Variants in LIPE observed in about 807,000 individuals in gnomAD.
The protein encoded by LIPE is lipase E, hormone sensitive type.
A neutral mutation model predicts 88.5 loss-of-function variants in LIPE; 66 were observed. The ratio of observed to expected loss-of-function variants is 0.75; its 90% CI spans 0.61 to 0.91. The LOEUF is 0.91. Among genes scored for constraint, LIPE ranks in the 40% least tolerant of loss-of-function variants. LIPE has a pLI of 0.00. For missense variants in LIPE, 1,346 were observed against 1,434.7 expected (o/e 0.94, Z 1.00); for synonymous variants, 570 against 617.5 (o/e 0.92, Z 1.14).
chr19:42,412,832 T>TGGCACAGCCA (rs1223864542), intron 1 of LIPE, among the ~76,000 whole-genome samples: 2 of 152,172 alleles, frequency 1.3e-5, no homozygotes, highest in African/African-American at 4.8e-5. Context: ...AGTCTGGCCC[T>TGGCACAGCCA]GGCACAGCCA....
At chr19:42,424,065 A>G in intron 1 of LIPE, 1 of 1,185,290 alleles carries the variant, frequency 8.4e-7, no homozygotes, top group Non-Finnish European at 1.1e-6. Context: ...CCAGCGCTGG[A>G]GGCGTGGCTG....
At position 42,407,480 on chromosome 19, in the gene LIPE, G is replaced by T; in HGVS notation, c.1843-12C>A. 1.2e-6 allele frequency: 2 copies of T among 1,604,164 alleles called. No individual in the cohort carries two copies. Among genetic ancestry groups the T allele is most frequent in the Non-Finnish European group, 1.7e-6 (2 of 1,173,072 alleles). On this transcript the variant is annotated splice_polypyrimidine_tract_variant and intron_variant, in intron 5 of 9. Transcript: ENST00000244289. The surrounding 1 kb of genome is among the most constrained non-coding windows in gnomAD (Gnocchi z 5.8). ...AGCTCCTCACTGTCCTGGGGGTGAG[G>T]AGGGAGACGGTGTGTGAGGTTGGGG... is the stretch of plus-strand genomic sequence containing the variant.
intron 1 of LIPE, among the ~76,000 whole-genome samples, chr19:42,419,140 T>C (rs1019454415): frequency 2.0e-5 from 3 of 152,058 alleles, no homozygotes; most frequent in Admixed American, 6.6e-5. Context: ...TAGCCGGGCA[T>C]GGTGGCGCGT....
intron 1 of LIPE, among the ~76,000 whole-genome samples, chr19:42,421,961 T>C (rs976000585): frequency 6.6e-6 from 1 of 152,240 alleles, no homozygotes; most frequent in Non-Finnish European, 1.5e-5. Context: ...CCTGCCCAAC[T>C]GGATTCTGAC....
intron 1 of LIPE, among the ~76,000 whole-genome samples, chr19:42,415,701 T>C (rs1323881716): frequency 2.0e-5 from 3 of 151,590 alleles, no homozygotes; most frequent in African/African-American, 7.3e-5. Context: ...TCCCAGCTAC[T>C]AGGGAGGCTG....
In LIPE at chr19:42,401,997, G is replaced by C; in HGVS notation, c.3046C>G (p.Leu1016Val). 6.4e-7 allele frequency: 1 copy of C among 1,553,856 alleles called. No individual in the cohort carries two copies. Residue 1016 changes from leucine to valine, a missense_variant, in exon 10 of 10, where the codon CTG becomes GTG. Leu to Val is a conservative substitution (Grantham distance 32). Coordinates refer to ENST00000244289, the MANE Select transcript of LIPE (RefSeq NM_005357.4). ...TGCGGCAGGTCCTCCACCACGCGCA[G>C]CGTCACCGGCTGGCCCAGGTTGCGC... The part of the protein sequence containing the change: ...RLRNLGQPVT[L>V]RVVEDLPHGF...
Position 42,402,852 on chromosome 19 carries a change from C to T in LIPE, c.2722G>A (p.Asp908Asn), listed in dbSNP as rs747565527. Reference protein sequence around the residue: ...AETLSPSTPSDVNFLLPPEDA... With the variant: ...AETLSPSTPSNVNFLLPPEDA... Reference sequence around the variant, plus strand: ...TCAGGTGGTAATAAGAAGTTGACATCGGAGGGTGTGGAGGGGCTAAGTGTC... The same window carrying T: ...TCAGGTGGTAATAAGAAGTTGACATTGGAGGGTGTGGAGGGGCTAAGTGTC... The change falls in exon 9 of 10, where the codon GAT (aspartate) becomes AAT (asparagine). Residue 908 changes from aspartate (D) to asparagine (N), a missense_variant. Asp to Asn is a conservative substitution (Grantham distance 23). Coordinates refer to ENST00000244289, the MANE Select transcript of LIPE (RefSeq NM_005357.4). 94 of 1,613,640 alleles carry T rather than the reference C, an allele frequency of 5.8e-5. No homozygotes were observed. The highest frequency in any genetic ancestry group is 6.6e-5 in the Non-Finnish European group (78 of 1,179,868).
chr19:42,404,685 C>T (rs1000872620), intron 8 of LIPE, among the ~76,000 whole-genome samples: 10 of 152,144 alleles, frequency 6.6e-5, no homozygotes, highest in South Asian at 2.1e-4. Context: ...TATAAATCTA[C>T]GAAGGTGAGG....
Position 42,408,353 on chromosome 19 carries a change from G to A in LIPE, c.1420-31C>T, listed in dbSNP as rs34581934. On this transcript the variant is annotated intron_variant, in intron 2 of 9. Transcript: ENST00000244289. The surrounding 1 kb of genome is among the most constrained non-coding windows in gnomAD (Gnocchi z 4.3). ...GAGAGACGCGGCTGCGTCACCCACC[G>A]CTCAAGAGAGGGATGGGGACAGGGC... The A allele has an allele frequency of 6.5e-4, 1,017 of 1,553,854 alleles. 9 individuals carry two copies. In the African/African-American group the frequency reaches 0.012, roughly 19 times the overall value.
intron 8 of LIPE, among the ~76,000 whole-genome samples, chr19:42,404,607 G>A (rs1294603334): frequency 1.3e-5 from 2 of 152,168 alleles, no homozygotes; most frequent in South Asian, 2.1e-4. Context: ...CAAGTGATCC[G>A]CCTGCCTTGG....
rs1469505503 is a variant in LIPE, at chr19:42,405,388, C to T, written c.2539G>A (p.Ala847Thr). Residue 847 changes from alanine to threonine, a missense_variant, in exon 8 of 10, where the codon GCA (alanine) becomes ACA (threonine). Physicochemically the swap from Ala to Thr is moderately conservative, Grantham distance 58. Coordinates refer to ENST00000244289, the MANE Select transcript of LIPE (RefSeq NM_005357.4). ...RKSQKMSEPI[A>T]EPMRRSVSEA... ...GTGACGGGAGTGAATCACTCACCTG[C>T]TATGGGCTCCGACATCTTCTGGGAC... The T allele has an allele frequency of 6.2e-7, 1 of 1,612,778 alleles. No homozygotes were observed. Among genetic ancestry groups the T allele is most frequent in the Admixed American group, 1.7e-5 (1 of 59,976 alleles).
rs984983893 is a variant in LIPE, at chr19:42,425,012, C to T, written c.883+1255G>A. 3.2e-5 allele frequency: 8 copies of T among 247,988 alleles called. 1 individual carries two copies. Among genetic ancestry groups the T allele is most frequent in the South Asian group, 2.2e-4 (5 of 22,438 alleles). 15.4% of individuals were successfully genotyped at this position (247,988 alleles called of 1,614,324 possible). On this transcript the variant is annotated intron_variant, in intron 1 of 9. Transcript: ENST00000244289. ...CCTTGCCTGAGACCTTGGCGGCTCC[C>T]GCACCTCTCTCCCGGCTCCTCCTTG...
chr19:42,413,590 T>C (rs2040428697), intron 1 of LIPE, among the ~76,000 whole-genome samples: 1 of 152,172 alleles, frequency 6.6e-6, no homozygotes, highest in South Asian at 2.1e-4. Context: ...GGTGTGAACC[T>C]GGGACGCGGA....
rs851304 is a variant in LIPE, at chr19:42,401,678, A to T, written c.*134T>A. On this transcript the variant is annotated 3_prime_UTR_variant, in exon 10 of 10. Transcript: ENST00000244289. ...TGTGCGCGTCCCCCTCCCCGTGGCG[A>T]GGGTCTCAGCTTTCGGGCCCCCGCC... 33 of 383,224 alleles carry T rather than the reference A, an allele frequency of 8.6e-5. No individual in the cohort carries two copies. Among genetic ancestry groups the T allele is most frequent in the East Asian group, 2.2e-4 (3 of 13,604 alleles). 23.7% of individuals were successfully genotyped at this position (383,224 alleles called of 1,614,324 possible). A position where few individuals can be genotyped will look rare whatever the true frequency, so the allele number is the denominator to read the frequency against.
At chr19:42,423,841 G>A (rs2040653765) in intron 1 of LIPE, 14 of 1,108,944 alleles carry the variant, frequency 1.3e-5, no homozygotes, top group Non-Finnish European at 1.6e-5. Context: ...GCCCCGCGGG[G>A]AGCACCCCAG....
At chr19:42,412,521 C>T (rs959375065) in intron 1 of LIPE, 8 of 985,746 alleles carry the variant, frequency 8.1e-6, no homozygotes, top group East Asian at 2.3e-4. Context: ...GTGAGGACCA[C>T]GTGCTGTAAA....
chr19:42,420,794 G>A (rs1470372701), intron 1 of LIPE, among the ~76,000 whole-genome samples: 2 of 152,036 alleles, frequency 1.3e-5, no homozygotes, highest in Non-Finnish European at 2.9e-5. Flanking sequence ...GATCTTTTTA[G>A]CACACAAATC....
intron 1 of LIPE, chr19:42,423,960 C>A: frequency 8.6e-7 from 1 of 1,168,398 alleles, no homozygotes; most frequent in Non-Finnish European, 1.1e-6. Flanking sequence ...GCGGCCCGGC[C>A]CGCCTTTTGA....
chr19:42,424,173 C>T (rs2040661292), intron 1 of LIPE: 3 of 1,118,916 alleles, frequency 2.7e-6, no homozygotes, highest in Non-Finnish European at 3.5e-6. Context: ...CCCTCTGTCT[C>T]CGCCCCCTAA....
Sources: allele counts gnomAD v4.1 joint callset (sites outside exome capture counted in the v4.1 genomes callset), GRCh38; gene constraint gnomAD v4.1.1; non-coding constraint Gnocchi (gnomAD v3.1); transcripts MANE v1.5; gene names NCBI Gene and HGNC (gene_info 2026-07-23, HGNC 2026-07-21).